PRPF6: variants seen among roughly 807,000 people sequenced by gnomAD.
PRPF6 encodes the protein pre-mRNA processing factor 6.
Under a neutral mutation model 118.3 loss-of-function variants are expected in PRPF6, and 42 were observed. The observed-to-expected ratio is 0.35, with a 90% CI of 0.28 to 0.46. The LOEUF (loss-of-function observed/expected upper bound fraction) is 0.46, where lower values mean the gene tolerates loss of function less well. Among genes scored for constraint, PRPF6 ranks in the 20% least tolerant of loss-of-function variants. The pLI is 1.00. For missense variants in PRPF6, 662 were observed against 1,255.7 expected (o/e 0.53, Z 7.15); for synonymous variants, 481 against 485.1 (o/e 0.99, Z 0.11).
At chr20:63,988,066 T>C (rs1232699615) in intron 3 of PRPF6, among the ~76,000 whole-genome samples, 1 of 151,894 alleles carries the variant, frequency 6.6e-6, no homozygotes, top group African/African-American at 2.4e-5. Flanking sequence ...ACGCCTGTAA[T>C]CCCAGCACCT....
intron 6 of PRPF6, among the ~76,000 whole-genome samples, chr20:63,996,047 T>C (rs2059139811): frequency 6.6e-6 from 1 of 152,188 alleles, no homozygotes; most frequent in Non-Finnish European, 1.5e-5. Flanking sequence ...ATGGAACGTG[T>C]ACTTTGATCT....
At chr20:64,019,092 G>GT (rs766307130) in intron 12 of PRPF6, among the ~76,000 whole-genome samples, 17,209 of 119,078 alleles carry the variant, frequency 0.14, 1,597 homozygotes, top group African/African-American at 0.25. Flanking sequence ...TTTGTTGTTG[G>GT]TTTTTTTTTT....
intron 9 of PRPF6, among the ~76,000 whole-genome samples, chr20:64,007,429 T>G: frequency 1.1e-5 from 1 of 87,950 alleles, no homozygotes; most frequent in South Asian, 4.6e-4. Context: ...TCCGCTTCCC[T>G]CCCCGCCTCC....
At position 64,033,069 on chromosome 20, in the gene PRPF6, T is replaced by C. The variant is rs1233871602; in HGVS notation, c.*76T>C. The stretch of plus-strand genomic sequence containing the variant: ...GGAAGGGCTCTGAGCTGTGTCCTCC[T>C]TCATTAAAAGTTTTTATGTCTCGTG... On this transcript the variant is annotated 3_prime_UTR_variant, in exon 21 of 21. Coordinates refer to ENST00000266079, the MANE Select transcript of PRPF6 (RefSeq NM_012469.4). 4.4e-6 allele frequency: 7 copies of C among 1,593,208 alleles called. No individual in the cohort carries two copies. Among genetic ancestry groups the C allele is most frequent in the Non-Finnish European group, 6.0e-6 (7 of 1,167,314 alleles).
intron 3 of PRPF6, among the ~76,000 whole-genome samples, chr20:63,992,669 T>A (rs959254289): frequency 3.3e-5 from 5 of 152,160 alleles, no homozygotes; most frequent in African/African-American, 1.2e-4. Flanking sequence ...CTTTTTTTTT[T>A]ATTTTAATGA....
At chr20:63,987,362 T>C (rs1000252535) in intron 3 of PRPF6, among the ~76,000 whole-genome samples, 1 of 150,448 alleles carries the variant, frequency 6.6e-6, no homozygotes. Flanking sequence ...CAAAGATTAG[T>C]TGGGTGTGGT....
chr20:64,015,595 T>G (rs1168915806), intron 11 of PRPF6, among the ~76,000 whole-genome samples: 1 of 152,238 alleles, frequency 6.6e-6, no homozygotes, highest in Non-Finnish European at 1.5e-5. Flanking sequence ...AGACACATTC[T>G]CTTGCACACA....
In PRPF6 at chr20:64,016,862, G is replaced by T. The variant is rs774621036; in HGVS notation, c.1647+17G>T. 3.1e-6 allele frequency: 5 copies of T among 1,614,002 alleles called. No individual in the cohort carries two copies. In the African/African-American group the frequency reaches 6.7e-5, roughly 22 times the overall value. ...GCTGACAGTGTGAGTTGGCAACAGG[G>T]GCCTTTGTCCGTAATATGGAGTCTC... is the stretch of plus-strand genomic sequence containing the variant. On this transcript the variant is annotated intron_variant, in intron 12 of 20. Transcript: ENST00000266079.
At chr20:64,013,511 G>A (rs2059224365) in intron 11 of PRPF6, among the ~76,000 whole-genome samples, 1 of 151,968 alleles carries the variant, frequency 6.6e-6, no homozygotes, top group Admixed American at 6.6e-5. Context: ...CAGTGGTGCA[G>A]TCATGGCTCA....
chr20:64,019,919 ACTGTTGTCCCTTCCT>A (rs1387349444), intron 12 of PRPF6, among the ~76,000 whole-genome samples: 1 of 152,208 alleles, frequency 6.6e-6, no homozygotes, highest in African/African-American at 2.4e-5. Context: ...TGGGAGGCTC[ACTGTTGTCCCTTCCT>A]CTCGTAGAAG....
chr20:64,017,442 CGTG>C (rs2059243923), intron 12 of PRPF6, among the ~76,000 whole-genome samples: 1 of 148,912 alleles, frequency 6.7e-6, no homozygotes, highest in Non-Finnish European at 1.5e-5. Context: ...GGATCACAGG[CGTG>C]AGCCGCCCTG....
intron 2 of PRPF6, among the ~76,000 whole-genome samples, chr20:63,984,147 G>A (rs1303279802): frequency 2.0e-5 from 3 of 152,136 alleles, no homozygotes; most frequent in Non-Finnish European, 1.5e-5. Flanking sequence ...GAGGCCAGGT[G>A]CGGTAGCTCA....
In PRPF6 at chr20:64,011,501, C is replaced by T; in HGVS notation, c.1522C>T (p.Gln508Ter). The change falls in exon 11 of 21, where the codon CAG (glutamine) becomes TAG (stop). Residue 508 changes from glutamine (Q) to a stop codon, truncating the protein, a stop_gained and splice_region_variant. Coordinates refer to ENST00000266079, the MANE Select transcript of PRPF6 (RefSeq NM_012469.4). LOFTEE classifies it high-confidence loss of function. The surrounding 1 kb of genome is among the most constrained non-coding windows in gnomAD (Gnocchi z 6.7). The part of the protein sequence containing the change: ...GVEINREQWI[Q>*]DAEECDRAGS... Reference sequence around the variant, plus strand: ...GGAGATCAACCGTGAGCAGTGGATCCAGGTGGGCCGCAGGCGGGTGTCGTG... The same window carrying T: ...GGAGATCAACCGTGAGCAGTGGATCTAGGTGGGCCGCAGGCGGGTGTCGTG... 6.2e-7 allele frequency: 1 copy of T among 1,612,372 alleles called. No homozygotes were observed. Among genetic ancestry groups the T allele is most frequent in the Non-Finnish European group, 8.5e-7 (1 of 1,179,688 alleles).
At chr20:63,990,976 A>G (rs1401947761) in intron 3 of PRPF6, among the ~76,000 whole-genome samples, 2 of 151,074 alleles carry the variant, frequency 1.3e-5, no homozygotes, top group African/African-American at 2.4e-5. Context: ...ATTTTTGTCT[A>G]TGTTGCCCAG....
chr20:64,013,663 C>T (rs1458728979), intron 11 of PRPF6, among the ~76,000 whole-genome samples: 1 of 152,064 alleles, frequency 6.6e-6, no homozygotes, highest in Non-Finnish European at 1.5e-5. Context: ...TGGTCTTAAA[C>T]TCCTGGCCTT....
intron 4 of PRPF6, 37 bp downstream of exon 4, chr20:63,993,522 AACGCTCTC>A (rs774721174): frequency 6.5e-7 from 1 of 1,544,146 alleles, no homozygotes; most frequent in East Asian, 2.3e-5. Flanking sequence ...TGCGGTTTCT[AACGCTCTC>A]ACCCTAACCC....
At chr20:63,994,329 G>A (rs928706908) in intron 4 of PRPF6, among the ~76,000 whole-genome samples, 20 of 151,896 alleles carry the variant, frequency 1.3e-4, no homozygotes, top group African/African-American at 4.8e-4. Flanking sequence ...GGCTAATTTT[G>A]TATTTTTAGT....
At chr20:64,031,690 AACAAC>A (rs2059314851) in intron 19 of PRPF6, among the ~76,000 whole-genome samples, 1 of 146,414 alleles carries the variant, frequency 6.8e-6, no homozygotes, top group African/African-American at 2.6e-5. Flanking sequence ...AAAAAAAAAA[AACAAC>A]AAAAAAAAAC....
chr20:63,996,821 C>T (rs367613980), intron 6 of PRPF6, among the ~76,000 whole-genome samples: 1 of 151,980 alleles, frequency 6.6e-6, no homozygotes, highest in Non-Finnish European at 1.5e-5. Flanking sequence ...CCCAGCTGTT[C>T]GAGAGGCTGA....
Sources: gnomAD v4.1 joint callset for allele counts (sites outside exome capture counted in the v4.1 genomes callset) on GRCh38, gnomAD v4.1.1 for gene constraint, Gnocchi (gnomAD v3.1) non-coding constraint, MANE v1.5 for transcripts, NCBI Gene and HGNC (gene_info 2026-07-23, HGNC 2026-07-21) for gene names.